The following IRF2 variants were observed in gnomAD, a reference collection of about 807,000 sequenced individuals.
The protein encoded by IRF2 is interferon regulatory factor 2.
Under a neutral mutation model 40.6 loss-of-function variants are expected in IRF2, and 15 were observed. The ratio of observed to expected loss-of-function variants is 0.37; its 90% CI spans 0.25 to 0.57. The LOEUF is 0.57. Ranked by LOEUF, IRF2 falls within the 20% of genes least tolerant of loss-of-function variation. The pLI is 0.77. For missense variants in IRF2, 317 were observed against 455.7 expected, an observed-to-expected ratio of 0.70 and a Z score of 2.77; for synonymous variants, 151 against 165.5, an observed-to-expected ratio of 0.91 and a Z score of 0.67.
At position 184,388,301 on chromosome 4, in the gene IRF2, T is replaced by C. The variant is rs760304289; in HGVS notation, c.*457A>G. 6.3e-6 allele frequency: 1 copy of C among 159,226 alleles called. No homozygotes were observed. Among genetic ancestry groups the C allele is most frequent in the East Asian group, 1.9e-4 (1 of 5,260 alleles). 9.9% of individuals were successfully genotyped at this position (159,226 alleles called of 1,614,324 possible). A position where few individuals can be genotyped will look rare whatever the true frequency, so the allele number is the denominator to read the frequency against. Reference sequence around the variant, plus strand: ...AGGGGGTGCTGAGTGTGCTGTGAGATAGAGCAAGATCACAAGAAGGCCTAT... The same window carrying C: ...AGGGGGTGCTGAGTGTGCTGTGAGACAGAGCAAGATCACAAGAAGGCCTAT... On this transcript the variant is annotated 3_prime_UTR_variant, in exon 9 of 9. Coordinates refer to ENST00000393593, the MANE Select transcript of IRF2 (RefSeq NM_002199.4). This position sits in a 1 kb window ranked among gnomAD's most constrained non-coding sequence, Gnocchi z 4.6.
At chr4:184,439,015 T>C (rs1489387203) in intron 1 of IRF2, among the ~76,000 whole-genome samples, 2 of 152,166 alleles carry the variant, frequency 1.3e-5, no homozygotes, top group East Asian at 1.9e-4. Flanking sequence ...GAGGGCTAGA[T>C]ACGGAAAAAA....
At chr4:184,441,650 G>A (rs1738315546) in intron 1 of IRF2, among the ~76,000 whole-genome samples, 6 of 152,118 alleles carry the variant, frequency 3.9e-5, no homozygotes, top group Admixed American at 3.9e-4. Flanking sequence ...TGGCCAGCAG[G>A]GAGTGTCCCA....
At chr4:184,439,954 G>A (rs559753047) in intron 1 of IRF2, among the ~76,000 whole-genome samples, 10 of 152,156 alleles carry the variant, frequency 6.6e-5, no homozygotes, top group South Asian at 4.1e-4. Flanking sequence ...GCAGCTCTTC[G>A]TCCAGAGATC....
intron 5 of IRF2, among the ~76,000 whole-genome samples, chr4:184,409,623 G>A (rs141172543): frequency 6.6e-5 from 10 of 152,112 alleles, no homozygotes; most frequent in African/African-American, 1.4e-4. Context: ...GGCCAAGCAC[G>A]GTGGCTCACC....
At chr4:184,447,247 C>T (rs1003261048) in intron 1 of IRF2, among the ~76,000 whole-genome samples, 1 of 152,182 alleles carries the variant, frequency 6.6e-6, no homozygotes. Context: ...AGTCACAGAA[C>T]CCAACCTGAT....
intron 5 of IRF2, among the ~76,000 whole-genome samples, chr4:184,415,237 G>A (rs750405876): frequency 5.3e-5 from 8 of 152,198 alleles, no homozygotes; most frequent in South Asian, 2.1e-4. Flanking sequence ...CCTGCCTTCC[G>A]CTGAAGGAAT....
chr4:184,437,805 G>A (rs1368085399), intron 1 of IRF2, among the ~76,000 whole-genome samples: 2 of 147,578 alleles, frequency 1.4e-5, no homozygotes, highest in South Asian at 2.2e-4. Context: ...ACTGCTCTGG[G>A]TCAGGACAGT....
intron 1 of IRF2, among the ~76,000 whole-genome samples, chr4:184,440,309 C>T (rs1305832937): frequency 6.6e-6 from 1 of 152,236 alleles, no homozygotes; most frequent in Non-Finnish European, 1.5e-5. Context: ...CGTCCCTGTC[C>T]CGGCCACCCT....
intron 1 of IRF2, among the ~76,000 whole-genome samples, chr4:184,442,675 T>C (rs7657540): frequency 0.67 from 102,253 of 151,658 alleles, 35,181 homozygotes; most frequent in Non-Finnish European, 0.74. Context: ...GCCGTTTCAG[T>C]GCATATGAAG....
intron 7 of IRF2, among the ~76,000 whole-genome samples, chr4:184,396,305 A>G (rs922877227): frequency 4.6e-5 from 7 of 152,218 alleles, no homozygotes; most frequent in Non-Finnish European, 1.5e-5. Context: ...GCAGCGACAC[A>G]GGGCGGGCGT....
chr4:184,433,786 C>G (rs540232728), intron 1 of IRF2, among the ~76,000 whole-genome samples: 2 of 152,302 alleles, frequency 1.3e-5, no homozygotes, highest in African/African-American at 4.8e-5. Flanking sequence ...TCTCCCACGC[C>G]CTGGGCAGGT....
At chr4:184,428,883 G>T in intron 2 of IRF2, 95 bp downstream of exon 2, 1 of 992,310 alleles carries the variant, frequency 1.0e-6, no homozygotes, top group Non-Finnish European at 1.6e-6. Context: ...ATAAGCCTAA[G>T]ATTTTGAATA....
chr4:184,399,651 G>T (rs532674882), intron 6 of IRF2, among the ~76,000 whole-genome samples: 9 of 152,310 alleles, frequency 5.9e-5, no homozygotes, highest in African/African-American at 2.2e-4. Flanking sequence ...AAATGCCCAA[G>T]GTCCCCATCT....
intron 1 of IRF2, among the ~76,000 whole-genome samples, chr4:184,465,339 C>T (rs1181236660): frequency 6.6e-6 from 1 of 152,202 alleles, no homozygotes; most frequent in Non-Finnish European, 1.5e-5. Context: ...CGGCAGCACC[C>T]AGTGTGTTTT....
At chr4:184,435,412 A>G (rs1051971306) in intron 1 of IRF2, among the ~76,000 whole-genome samples, 1 of 152,238 alleles carries the variant, frequency 6.6e-6, no homozygotes, top group African/African-American at 2.4e-5. Flanking sequence ...TTAAGGTAAT[A>G]AATTCCTTAG....
intron 1 of IRF2, among the ~76,000 whole-genome samples, chr4:184,460,051 T>C (rs1049822078): frequency 1.3e-5 from 2 of 152,218 alleles, no homozygotes; most frequent in African/African-American, 4.8e-5. Context: ...ATACCAATGA[T>C]CACAGCAGCC....
At chr4:184,469,717 C>T (rs1372523435) in intron 1 of IRF2, among the ~76,000 whole-genome samples, 1 of 152,178 alleles carries the variant, frequency 6.6e-6, no homozygotes, top group East Asian at 1.9e-4. Flanking sequence ...TAAATAAACA[C>T]AATTTGTTTC....
intron 7 of IRF2, among the ~76,000 whole-genome samples, chr4:184,395,062 G>T (rs1736394405): frequency 6.6e-6 from 1 of 152,128 alleles, no homozygotes; most frequent in African/African-American, 2.4e-5. Flanking sequence ...TCAGTAGGGG[G>T]AAAAACTAGC....
At chr4:184,444,294 G>T (rs904404306) in intron 1 of IRF2, among the ~76,000 whole-genome samples, 4 of 152,086 alleles carry the variant, frequency 2.6e-5, no homozygotes, top group Non-Finnish European at 4.4e-5. Context: ...AAATCCCCTG[G>T]TGCTGGTCAC....
Sources: allele counts gnomAD v4.1 joint callset (sites outside exome capture counted in the v4.1 genomes callset), GRCh38; gene constraint gnomAD v4.1.1; non-coding constraint Gnocchi (gnomAD v3.1); transcripts MANE v1.5; gene names NCBI Gene and HGNC (gene_info 2026-07-23, HGNC 2026-07-21).